The following REV3L variants were observed in gnomAD, a reference collection of about 807,000 sequenced individuals.
REV3L encodes DNA polymerase zeta catalytic subunit.
Under a neutral mutation model 299.4 loss-of-function variants are expected in REV3L, and 69 were observed. The ratio of observed to expected loss-of-function variants is 0.23; its 90% CI spans 0.19 to 0.28. The LOEUF (loss-of-function observed/expected upper bound fraction) is 0.28. REV3L is among the 10% of genes least tolerant of loss of function. REV3L has a pLI of 1.00. For missense variants in REV3L, 3,128 were observed against 3,693.8 expected, an observed-to-expected ratio of 0.85 and a Z score of 3.97; for synonymous variants, 1,238 against 1,271.4, an observed-to-expected ratio of 0.97 and a Z score of 0.56.
intron 2 of REV3L, among the ~76,000 whole-genome samples, chr6:111,416,074 A>G (rs1582903915): frequency 2.6e-5 from 4 of 152,340 alleles, no homozygotes; most frequent in Admixed American, 2.6e-4. Context: ...CAGGAAGCAG[A>G]GAAATGGGAA....
chr6:111,428,196 C>T (rs1380272907), intron 1 of REV3L, among the ~76,000 whole-genome samples: 2 of 152,000 alleles, frequency 1.3e-5, no homozygotes, highest in African/African-American at 4.8e-5. Flanking sequence ...GAACCATGAC[C>T]TCAAACAGAC....
chr6:111,313,974 TTCC>T (rs1324150593), intron 27 of REV3L, among the ~76,000 whole-genome samples: 3 of 152,230 alleles, frequency 2.0e-5, no homozygotes, highest in Non-Finnish European at 4.4e-5. Flanking sequence ...GAGGACGCAA[TTCC>T]TCCTTTCCTT....
chr6:111,332,103 G>A (rs927347262), intron 23 of REV3L, among the ~76,000 whole-genome samples: 2 of 151,822 alleles, frequency 1.3e-5, no homozygotes, highest in East Asian at 1.9e-4. Flanking sequence ...ATGGAGTCTC[G>A]CTCTGTCACC....
rs200282011 is a variant in REV3L at position 111,347,292 on chromosome 6, AT to A, written c.7419+1925del. Among the ~76,000 whole-genome samples the A allele has an allele frequency of 6.6e-3, 1,002 of 150,700 alleles. 6 individuals are homozygous for A. The highest frequency in any genetic ancestry group is 0.01 in the Non-Finnish European group (680 of 67,684). The stretch of plus-strand genomic sequence containing the variant: ...TCATAAATAAATAAAATAAAAAAAA[AT>A]ATATATATATAATGAAATATACACA... On this transcript the variant is annotated intron_variant, in intron 20 of 31. Transcript: ENST00000368802.
At chr6:111,388,364 T>A (rs1410750863) in intron 7 of REV3L, among the ~76,000 whole-genome samples, 1 of 152,136 alleles carries the variant, frequency 6.6e-6, no homozygotes, top group Non-Finnish European at 1.5e-5. Context: ...ATATATTGTA[T>A]CCTAAAGCTA....
chr6:111,313,323 C>T, intron 28 of REV3L, 29 bp downstream of exon 28: 1 of 1,580,890 alleles, frequency 6.3e-7, no homozygotes, highest in South Asian at 1.2e-5. Context: ...TTATTTCTTA[C>T]AGATGAAGAC....
At chr6:111,446,948 A>G (rs1788939276) in intron 1 of REV3L, among the ~76,000 whole-genome samples, 1 of 152,170 alleles carries the variant, frequency 6.6e-6, no homozygotes, top group Admixed American at 6.5e-5. Flanking sequence ...TCTATATGAG[A>G]CTTCTTTACC....
intron 1 of REV3L, among the ~76,000 whole-genome samples, chr6:111,420,862 C>A (rs900710800): frequency 2.0e-5 from 3 of 152,176 alleles, no homozygotes; most frequent in Non-Finnish European, 2.9e-5. Context: ...AAGTCCTTGG[C>A]TGGGCATGGT....
intron 2 of REV3L, among the ~76,000 whole-genome samples, chr6:111,414,686 G>A (rs1582899611): frequency 6.6e-6 from 1 of 152,192 alleles, no homozygotes; most frequent in Admixed American, 6.5e-5. Context: ...TCCTGTATGA[G>A]CTCCAGATCT....
At chr6:111,483,241 G>T, upstream of REV3L, 1 of 485,194 alleles carries the variant, frequency 2.1e-6, no homozygotes, top group African/African-American at 2.0e-5. Flanking sequence ...TGGGGGGAGG[G>T]GAGAGGGGGG....
At position 111,367,743 on chromosome 6, in the gene REV3L, T is replaced by A; in HGVS notation, c.6045A>T (p.Glu2015Asp). 1 of 1,614,238 alleles carries A rather than the reference T, an allele frequency of 6.2e-7. No individual in the cohort carries two copies. Among genetic ancestry groups the A allele is most frequent in the Non-Finnish European group, 8.5e-7 (1 of 1,180,042 alleles). Reference sequence around the variant, plus strand: ...TAGGCAGTTTCTTGGAACGTTCGTATTCTTCTTTGGCTTGAAGCCACACTT... The same window carrying A: ...TAGGCAGTTTCTTGGAACGTTCGTAATCTTCTTTGGCTTGAAGCCACACTT... ...LVQVWLQAKE[E>D]YERSKKLPKT... The change falls in exon 14 of 32, where the codon GAA becomes GAT. Residue 2015 changes from glutamate (E) to aspartate (D), a missense_variant. By Grantham distance (45) the Glu-to-Asp change is conservative. Coordinates refer to ENST00000368802, the MANE Select transcript of REV3L (RefSeq NM_001372078.1).
intron 21 of REV3L, among the ~76,000 whole-genome samples, chr6:111,337,305 A>T (rs1228479214): frequency 6.6e-6 from 1 of 152,234 alleles, no homozygotes; most frequent in African/African-American, 2.4e-5. Flanking sequence ...CAAACATGAA[A>T]GAATCCTAAA....
At position 111,306,063 on chromosome 6, in the gene REV3L, G is replaced by C. The variant is rs17540276; in HGVS notation, c.9252+1298C>G. Among the ~76,000 whole-genome samples, 293 of 152,326 alleles carry C rather than the reference G, an allele frequency of 1.9e-3. 1 individual carries two copies. The highest frequency in any genetic ancestry group is 6.7e-3 in the African/African-American group (277 of 41,578). ...GCCCCATGGGCTTGGCTATATGCTA[G>C]GCATAACTGACTTGACAGTCAAAGA... On this transcript the variant is annotated intron_variant, in intron 31 of 31. Coordinates refer to ENST00000368802, the MANE Select transcript of REV3L (RefSeq NM_001372078.1).
intron 4 of REV3L, among the ~76,000 whole-genome samples, chr6:111,393,181 G>A (rs573610143): frequency 6.6e-6 from 1 of 152,054 alleles, no homozygotes; most frequent in South Asian, 2.1e-4. Context: ...TCCAAGCGCA[G>A]CAAATTTTTT....
chr6:111,482,598 G>C (rs942177033), intron 1 of REV3L, 152 bp downstream of exon 1: 2 of 327,010 alleles, frequency 6.1e-6, no homozygotes, highest in African/African-American at 4.5e-5. Context: ...ACGCACGAGA[G>C]AAAAGGCGAG....
chr6:111,435,189 G>C (rs1312478709), intron 1 of REV3L, among the ~76,000 whole-genome samples: 1 of 152,122 alleles, frequency 6.6e-6, no homozygotes, highest in Non-Finnish European at 1.5e-5. Flanking sequence ...CAGCCTGTAA[G>C]ACACAGCAAG....
At chr6:111,471,856 G>A (rs1792259412) in intron 1 of REV3L, among the ~76,000 whole-genome samples, 1 of 152,106 alleles carries the variant, frequency 6.6e-6, no homozygotes, top group African/African-American at 2.4e-5. Context: ...AAACCAAGGA[G>A]ATAATCTTTG....
At chr6:111,353,446 C>CT (rs1347143674) in intron 18 of REV3L, among the ~76,000 whole-genome samples, 1 of 152,136 alleles carries the variant, frequency 6.6e-6, no homozygotes, top group South Asian at 2.1e-4. Flanking sequence ...CAACAGCACA[C>CT]TTTTAAATTT....
At position 111,333,241 on chromosome 6, in the gene REV3L, A is replaced by C; in HGVS notation, c.7807T>G (p.Ser2603Ala). The change falls in exon 23 of 32, where the codon TCC (serine) becomes GCC (alanine). Residue 2603 changes from serine (S) to alanine (A), a missense_variant. Ser to Ala is a moderately conservative substitution (Grantham distance 99). Transcript: ENST00000368802. ...AGAACAGAGTTGCTATAGAAGCGGG[A>C]TTCAGGCTCCATAATTAGAGGAACA... is the stretch of plus-strand genomic sequence containing the variant. ...QCVPLIMEPESRFYSNSVLVL... is the reference protein window; with the variant it reads ...QCVPLIMEPEARFYSNSVLVL... 1 of 1,614,130 alleles carries C rather than the reference A, an allele frequency of 6.2e-7. No individual in the cohort carries two copies.
Sources: gnomAD v4.1 joint callset for allele counts (sites outside exome capture counted in the v4.1 genomes callset) on GRCh38, gnomAD v4.1.1 for gene constraint, MANE v1.5 for transcripts, NCBI Gene and HGNC (gene_info 2026-07-23, HGNC 2026-07-21) for gene names.